The following SAMD3 variants were observed in gnomAD, a reference collection of about 807,000 sequenced individuals.
SAMD3 encodes sterile alpha motif domain-containing protein 3.
In SAMD3, 63 loss-of-function variants were observed where a neutral mutation model predicts 58.5. That is an observed-to-expected ratio of 1.08 (90% CI 0.88 to 1.33). SAMD3 has a LOEUF of 1.33. SAMD3 is among the 40% of genes most tolerant of loss of function. The pLI is 0.00. For missense variants in SAMD3, 604 were observed against 608.4 expected, an observed-to-expected ratio of 0.99 and a Z score of 0.08; for synonymous variants, 220 against 210.3, an observed-to-expected ratio of 1.05 and a Z score of -0.40.
chr6:130,227,907 C>G (rs1311206100), upstream of SAMD3, among the ~76,000 whole-genome samples: 1 of 152,012 alleles, frequency 6.6e-6, no homozygotes, highest in Non-Finnish European at 1.5e-5. Context: ...AAAATCCTCT[C>G]GTTTCCTAAA....
At chr6:130,332,493 C>G (rs1776964308) in intron 1 of SAMD3, among the ~76,000 whole-genome samples, 1 of 152,108 alleles carries the variant, frequency 6.6e-6, no homozygotes, top group Non-Finnish European at 1.5e-5. Context: ...AAGAAGGTAG[C>G]AGTTGAGGTG....
rs540141759 is a variant in SAMD3 at position 130,194,896 on chromosome 6, G to A, written c.384-10273C>T. ...AACTCTCACAGTGGAGGGTAAGTCTGTCCCCTTCTTAATCAATATGGAGGC... is the reference window on the plus strand; with the variant it reads ...AACTCTCACAGTGGAGGGTAAGTCTATCCCCTTCTTAATCAATATGGAGGC... On this transcript the variant is annotated intron_variant, in intron 5 of 11. Coordinates refer to ENST00000439090, the MANE Select transcript of SAMD3 (RefSeq NM_001017373.4). Among the ~76,000 whole-genome samples, 230 of 152,198 alleles carry A rather than the reference G, an allele frequency of 1.5e-3. 2 individuals are homozygous for A. The highest frequency in any genetic ancestry group is 5.2e-3 in the African/African-American group (217 of 41,538).
intron 9 of SAMD3, among the ~76,000 whole-genome samples, chr6:130,149,043 T>C (rs1416088469): frequency 1.3e-5 from 2 of 152,194 alleles, no homozygotes; most frequent in Non-Finnish European, 2.9e-5. Context: ...TAAATAGCCA[T>C]ACATAAAGAC....
chr6:130,293,594 A>G lies in SAMD3; in HGVS notation c.-188+19384T>C, dbSNP rs143319396. ...CTTTCTTTAGTTATATTATAGTCCTAAGAATAGCCCCAGTGATGCTTCCAC... is the reference window on the plus strand; with the variant it reads ...CTTTCTTTAGTTATATTATAGTCCTGAGAATAGCCCCAGTGATGCTTCCAC... On this transcript the variant is annotated intron_variant, in intron 2 of 13. Coordinates refer to the SAMD3 transcript ENST00000368134. Among the ~76,000 whole-genome samples the G allele has an allele frequency of 6.8e-3, 1,000 of 146,402 alleles. 13 individuals are homozygous for G. The highest frequency in any genetic ancestry group is 0.02 in the African/African-American group (805 of 40,626).
At chr6:130,176,785 G>A (rs1174463653) in intron 7 of SAMD3, among the ~76,000 whole-genome samples, 3 of 152,204 alleles carry the variant, frequency 2.0e-5, no homozygotes, top group Non-Finnish European at 4.4e-5. Flanking sequence ...AGAAGTTCCG[G>A]AAGGATGAAG....
chr6:130,323,851 A>C (rs1776667198), intron 1 of SAMD3, among the ~76,000 whole-genome samples: 2 of 149,636 alleles, frequency 1.3e-5, no homozygotes, highest in South Asian at 4.3e-4. Context: ...TCAGGTTCTA[A>C]GGGAAAAGGG....
intron 2 of SAMD3, among the ~76,000 whole-genome samples, chr6:130,304,680 T>C (rs142005667): frequency 3.5e-4 from 54 of 152,268 alleles, no homozygotes; most frequent in African/African-American, 1.3e-3. Flanking sequence ...CATAGAATCA[T>C]CTTGCTAAGT....
chr6:130,348,772 TAC>T (rs1459379643), intron 1 of SAMD3, among the ~76,000 whole-genome samples: 2 of 151,872 alleles, frequency 1.3e-5, no homozygotes, highest in African/African-American at 4.8e-5. Flanking sequence ...CAACAGAATA[TAC>T]AGTCTTTTCA....
chr6:130,294,967 G>A (rs12207560), intron 2 of SAMD3, among the ~76,000 whole-genome samples: 64,713 of 131,724 alleles, frequency 0.49, 18,455 homozygotes, highest in African/African-American at 0.82. Context: ...CTTGTTGCCC[G>A]GGCTGGAGTG....
At chr6:130,287,304 CTTGT>C (rs1246830253) in intron 2 of SAMD3, among the ~76,000 whole-genome samples, 2 of 152,056 alleles carry the variant, frequency 1.3e-5, no homozygotes, top group Admixed American at 6.6e-5. Context: ...CAATATATGC[CTTGT>C]TTAAGGAGTA....
intron 7 of SAMD3, among the ~76,000 whole-genome samples, chr6:130,179,005 A>C (rs1402566495): frequency 2.6e-5 from 4 of 151,996 alleles, no homozygotes; most frequent in Non-Finnish European, 4.4e-5. Flanking sequence ...TTAGCCATGA[A>C]ATATGAACTA....
chr6:130,353,983 A>G (rs1057344461), intron 1 of SAMD3, among the ~76,000 whole-genome samples: 1 of 152,170 alleles, frequency 6.6e-6, no homozygotes, highest in African/African-American at 2.4e-5. Context: ...CAAGAAAAAA[A>G]CAAACAACCC....
chr6:130,261,187 G>A (rs59706538), intron 2 of SAMD3, among the ~76,000 whole-genome samples: 5 of 132,004 alleles, frequency 3.8e-5, no homozygotes, highest in Admixed American at 3.2e-4. Flanking sequence ...GATCACCCAC[G>A]GCGTGCCTTT....
At chr6:130,330,070 C>T (rs1387445985) in intron 1 of SAMD3, among the ~76,000 whole-genome samples, 1 of 152,108 alleles carries the variant, frequency 6.6e-6, no homozygotes, top group Non-Finnish European at 1.5e-5. Flanking sequence ...TATCCCAGAA[C>T]TTAAAGATAA....
chr6:130,220,062 C>T (rs1435794284), intron 1 of SAMD3, among the ~76,000 whole-genome samples: 1 of 152,102 alleles, frequency 6.6e-6, no homozygotes, highest in Non-Finnish European at 1.5e-5. Flanking sequence ...AGTGCAGTGG[C>T]ACTATCTCGG....
At chr6:130,359,377 A>C (rs1362341091) in intron 1 of SAMD3, among the ~76,000 whole-genome samples, 1 of 152,122 alleles carries the variant, frequency 6.6e-6, no homozygotes, top group Non-Finnish European at 1.5e-5. Flanking sequence ...CACTCCAGCC[A>C]CAGTGATTCT....
chr6:130,266,482 C>A (rs1216997797), intron 2 of SAMD3, among the ~76,000 whole-genome samples: 3 of 152,140 alleles, frequency 2.0e-5, no homozygotes, highest in Admixed American at 6.5e-5. Flanking sequence ...TAGGGAAGGA[C>A]TTCACCCTTC....
At chr6:130,361,575 A>G (rs965994044) in intron 1 of SAMD3, among the ~76,000 whole-genome samples, 2 of 152,236 alleles carry the variant, frequency 1.3e-5, no homozygotes, top group African/African-American at 2.4e-5. Flanking sequence ...GTTCTAATTT[A>G]ATAAAAACAG....
At chr6:130,143,640 T>C (rs1388030840), downstream of SAMD3, 3 of 152,058 alleles carry the variant, frequency 2.0e-5, no homozygotes, top group Non-Finnish European at 4.4e-5. Context: ...TTTAACACAC[T>C]TAAATCCCTT....
Sources: allele counts gnomAD v4.1 joint callset (sites outside exome capture counted in the v4.1 genomes callset), GRCh38; gene constraint gnomAD v4.1.1; transcripts MANE v1.5; gene names NCBI Gene and HGNC (gene_info 2026-07-23, HGNC 2026-07-21).